The following PKIB variants were observed in gnomAD, a reference collection of about 807,000 sequenced individuals.
PKIB encodes PKI-beta.
In PKIB, 2 loss-of-function variants were observed where a neutral mutation model predicts 4.5. The ratio of observed to expected loss-of-function variants is 0.44; its 90% CI spans 0.18 to 1.39. The LOEUF (loss-of-function observed/expected upper bound fraction) is 1.39. PKIB is among the 40% of genes most tolerant of loss of function. PKIB has a pLI of 0.27. For synonymous variants in PKIB, 38 were observed against 36.0 expected (o/e 1.06, Z -0.20); for missense variants, 94 against 92.6 (o/e 1.02, Z -0.06).
chr6:122,699,280 C>CCAAAAA (rs1729108133), intron 3 of PKIB, among the ~76,000 whole-genome samples: 3 of 3,990 alleles, frequency 7.5e-4, no homozygotes, highest in Non-Finnish European at 4.3e-3. Context: ...CATTTGTGAA[C>CCAAAAA]TAAAATATAT....
intron 2 of PKIB, among the ~76,000 whole-genome samples, chr6:122,562,813 TG>T (rs1367858284): frequency 2.0e-5 from 3 of 152,188 alleles, no homozygotes; most frequent in African/African-American, 7.2e-5. Context: ...AATTTTTGAT[TG>T]TTTTTTTCCT....
intron 1 of PKIB, among the ~76,000 whole-genome samples, chr6:122,624,048 G>T (rs543243471): frequency 6.6e-6 from 1 of 152,154 alleles, no homozygotes; most frequent in Non-Finnish European, 1.5e-5. Flanking sequence ...TTATAGGGAA[G>T]TCTAGACTGT....
At chr6:122,671,276 G>A (rs1202797051) in intron 2 of PKIB, among the ~76,000 whole-genome samples, 10 of 144,942 alleles carry the variant, frequency 6.9e-5, no homozygotes, top group Non-Finnish European at 1.2e-4. Context: ...TGGTGACAGA[G>A]AAAGACTCTG....
chr6:122,631,430 A>T (rs1775697285), intron 1 of PKIB, among the ~76,000 whole-genome samples: 1 of 152,186 alleles, frequency 6.6e-6, no homozygotes, highest in African/African-American at 2.4e-5. Context: ...CAAACTCTTT[A>T]GAACATCACA....
chr6:122,523,056 C>T (rs9388081), intron 2 of PKIB, among the ~76,000 whole-genome samples: 21,149 of 152,146 alleles, frequency 0.14, 1,579 homozygotes, highest in East Asian at 0.26. Context: ...ATCCTTGTCT[C>T]TTTGTTCTAA....
intron 1 of PKIB, among the ~76,000 whole-genome samples, chr6:122,476,859 C>G (rs914482774): frequency 6.6e-6 from 1 of 152,054 alleles, no homozygotes; most frequent in African/African-American, 2.4e-5. Context: ...TTCATTCACC[C>G]AAAACGTTAT....
At chr6:122,578,000 GT>G (rs1281439256) in intron 2 of PKIB, among the ~76,000 whole-genome samples, 16 of 147,880 alleles carry the variant, frequency 1.1e-4, no homozygotes, top group South Asian at 2.1e-4. Context: ...AGTTAGAGGA[GT>G]TTTTTTTTTG....
intron 2 of PKIB, among the ~76,000 whole-genome samples, chr6:122,503,225 G>C (rs1221924100): frequency 1.3e-5 from 2 of 152,088 alleles, no homozygotes; most frequent in Non-Finnish European, 2.9e-5. Context: ...AATTTGCAGG[G>C]GACATGAACA....
intron 1 of PKIB, among the ~76,000 whole-genome samples, chr6:122,618,879 A>T (rs1197963498): frequency 6.6e-6 from 1 of 152,120 alleles, no homozygotes; most frequent in African/African-American, 2.4e-5. Flanking sequence ...AAGAGTTTTG[A>T]TATATTTTAC....
At chr6:122,700,643 G>C (rs184954203) in intron 3 of PKIB, among the ~76,000 whole-genome samples, 21 of 152,290 alleles carry the variant, frequency 1.4e-4, no homozygotes, top group African/African-American at 4.6e-4. Flanking sequence ...CTGCCCTACC[G>C]TTTCTGTCGT....
At chr6:122,534,510 A>C (rs908371279) in intron 2 of PKIB, among the ~76,000 whole-genome samples, 2 of 152,162 alleles carry the variant, frequency 1.3e-5, no homozygotes, top group African/African-American at 2.4e-5. Context: ...AAGACCCTGG[A>C]AACATGGCAC....
At chr6:122,571,046 A>AT in intron 2 of PKIB, among the ~76,000 whole-genome samples, 1 of 143,738 alleles carries the variant, frequency 7.0e-6, no homozygotes, top group African/African-American at 2.7e-5. Context: ...GATGGATATC[A>AT]TAAAAAAAAA....
chr6:122,648,745 C>G lies in PKIB; in HGVS notation c.-76+15378C>G, dbSNP rs186177818. Among the ~76,000 whole-genome samples, 1,063 of 152,104 alleles carry G rather than the reference C, an allele frequency of 7.0e-3. 11 individuals are homozygous for G. The highest frequency in any genetic ancestry group is 0.024 in the African/African-American group (996 of 41,490). ...AGTAATAACAAAGCAGCACTTTTTC[C>G]AAGATAGAAGAAGTCTCATACAATC... On this transcript the variant is annotated intron_variant, in intron 2 of 4. Coordinates refer to ENST00000368452, the MANE Select transcript of PKIB (RefSeq NM_181795.3).
chr6:122,518,569 A>G (rs150282999), intron 2 of PKIB, among the ~76,000 whole-genome samples: 1,635 of 152,072 alleles, frequency 0.011, 12 homozygotes, highest in Middle Eastern at 0.037. Flanking sequence ...CAGAGTGGCA[A>G]TGGGAGAGCT....
At chr6:122,534,789 C>T (rs1004410237) in intron 2 of PKIB, among the ~76,000 whole-genome samples, 33 of 152,126 alleles carry the variant, frequency 2.2e-4, no homozygotes, top group African/African-American at 7.7e-4. Flanking sequence ...TGTGCCAGGC[C>T]CCTCATTTTT....
chr6:122,549,041 C>A (rs919468933), intron 2 of PKIB, among the ~76,000 whole-genome samples: 2 of 152,174 alleles, frequency 1.3e-5, no homozygotes, highest in Non-Finnish European at 2.9e-5. Context: ...AAGAAATAAA[C>A]TGTCAAATCA....
At chr6:122,618,369 C>T (rs1346576105) in intron 1 of PKIB, among the ~76,000 whole-genome samples, 2 of 152,018 alleles carry the variant, frequency 1.3e-5, no homozygotes, top group Non-Finnish European at 1.5e-5. Context: ...AACCCTTTAT[C>T]ATTACATAAT....
At chr6:122,702,967 A>G (rs1281679880) in intron 3 of PKIB, among the ~76,000 whole-genome samples, 1 of 152,168 alleles carries the variant, frequency 6.6e-6, no homozygotes, top group African/African-American at 2.4e-5. Flanking sequence ...TTTCATTTGG[A>G]ATACATTCTA....
chr6:122,517,652 C>T (rs186662621), intron 2 of PKIB, among the ~76,000 whole-genome samples: 24 of 152,192 alleles, frequency 1.6e-4, no homozygotes, highest in East Asian at 5.8e-4. Context: ...AACTTTGCTA[C>T]GAAATATCTG....
Sources: allele counts gnomAD v4.1 joint callset (sites outside exome capture counted in the v4.1 genomes callset), GRCh38; gene constraint gnomAD v4.1.1; transcripts MANE v1.5; gene names NCBI Gene and HGNC (gene_info 2026-07-23, HGNC 2026-07-21).